Variants in ANXA8 observed in about 807,000 individuals in gnomAD.
The protein encoded by ANXA8 is annexin A8.
Under a neutral mutation model 26.8 loss-of-function variants are expected in ANXA8, and 9 were observed. The observed-to-expected ratio is 0.34, with a 90% CI of 0.20 to 0.59. The LOEUF is 0.59. ANXA8 is among the 20% of genes least tolerant of loss of function. The pLI is 0.84. For missense variants in ANXA8, 83 were observed against 238.5 expected, an observed-to-expected ratio of 0.35 and a Z score of 4.29; for synonymous variants, 39 against 94.8, an observed-to-expected ratio of 0.41 and a Z score of 3.42.
chr10:47,952,874 A>G, the ANXA8 span, among the ~76,000 whole-genome samples: 1 of 148,580 alleles, frequency 6.7e-6, no homozygotes, highest in African/African-American at 2.5e-5. Flanking sequence ...AAGTAATTTG[A>G]TGGGGAAAAA....
the ANXA8 span, among the ~76,000 whole-genome samples, chr10:47,980,955 CT>C: frequency 2.0e-5 from 3 of 151,410 alleles, no homozygotes; most frequent in African/African-American, 7.3e-5. Context: ...CAAACTTCAA[CT>C]CATTCTATGA....
At chr10:47,685,592 G>T in the ANXA8 span, among the ~76,000 whole-genome samples, 132 of 151,854 alleles carry the variant, frequency 8.7e-4, 3 homozygotes, top group African/African-American at 3.1e-3. Context: ...CTGAAGTTTG[G>T]GAGAGAGATT....
At chr10:47,939,609 T>C in the ANXA8 span, among the ~76,000 whole-genome samples, 1 of 145,514 alleles carries the variant, frequency 6.9e-6, no homozygotes, top group Non-Finnish European at 1.5e-5. Flanking sequence ...CCACGGCATG[T>C]TCCACACATA....
chr10:47,743,329 C>CACACAT, the ANXA8 span, among the ~76,000 whole-genome samples: 3 of 47,788 alleles, frequency 6.3e-5, no homozygotes, highest in Non-Finnish European at 1.2e-4. Context: ...TATATATATA[C>CACACAT]ATATATATAT....
the ANXA8 span, among the ~76,000 whole-genome samples, chr10:47,744,423 T>TGGGGGGGGGGGGGGGGAGGGGGGGCC: frequency 1.6e-4 from 1 of 6,438 alleles, no homozygotes; most frequent in Non-Finnish European, 2.7e-4. Flanking sequence ...GGGGGGGGGT[T>TGGGGGGGGGGGGGGGGAGGGGGGGCC]GGGGGGGAGG....
At chr10:47,607,674 G>T in the ANXA8 span, among the ~76,000 whole-genome samples, 1 of 109,010 alleles carries the variant, frequency 9.2e-6, no homozygotes, top group Non-Finnish European at 1.8e-5. Context: ...GGGGTGAGAA[G>T]GCCTATTGAA....
chr10:47,657,531 GT>G, the ANXA8 span, among the ~76,000 whole-genome samples: 1 of 151,744 alleles, frequency 6.6e-6, no homozygotes, highest in African/African-American at 2.4e-5. Flanking sequence ...CTTGAAACTT[GT>G]TTCTTCCTCT....
chr10:47,606,699 G>T, the ANXA8 span, among the ~76,000 whole-genome samples: 2 of 147,416 alleles, frequency 1.4e-5, no homozygotes, highest in Non-Finnish European at 3.0e-5. Flanking sequence ...ACACACACTG[G>T]GGCCTTTTGG....
chr10:47,556,172 A>G, the ANXA8 span, among the ~76,000 whole-genome samples: 8 of 151,892 alleles, frequency 5.3e-5, 1 homozygote, highest in Admixed American at 2.0e-4. Flanking sequence ...TATCCTCAGG[A>G]AAACTGGAAA....
the ANXA8 span, among the ~76,000 whole-genome samples, chr10:47,733,206 T>C: frequency 1.1e-5 from 1 of 91,256 alleles, no homozygotes; most frequent in Non-Finnish European, 2.5e-5. Flanking sequence ...TCTTTCTTTC[T>C]TTCTTTCTTT....
At chr10:47,504,839 A>T in the ANXA8 span, among the ~76,000 whole-genome samples, 1 of 133,656 alleles carries the variant, frequency 7.5e-6, no homozygotes, top group Admixed American at 7.8e-5. Flanking sequence ...AAGAGGTCAT[A>T]ACTGTTCTTT....
At chr10:47,533,187 A>ACACT in the ANXA8 span, among the ~76,000 whole-genome samples, 1 of 124,660 alleles carries the variant, frequency 8.0e-6, no homozygotes, top group South Asian at 2.5e-4. Context: ...AACACACATC[A>ACACT]CACACACACA....
At chr10:47,496,057 G>C in the ANXA8 span, among the ~76,000 whole-genome samples, 1 of 151,556 alleles carries the variant, frequency 6.6e-6, no homozygotes, top group Non-Finnish European at 1.5e-5. Flanking sequence ...GAGGCTGGCA[G>C]TAGAATCTTC....
At chr10:47,986,958 C>T in the ANXA8 span, 7 of 520,130 alleles carry the variant, frequency 1.3e-5, 1 homozygote, top group Non-Finnish European at 2.6e-5. Flanking sequence ...GGGGACGCGA[C>T]CTCGTCCAAG....
At chr10:47,960,082 A>C in the ANXA8 span, among the ~76,000 whole-genome samples, 13,092 of 89,530 alleles carry the variant, frequency 0.15, 77 homozygotes, top group Middle Eastern at 0.23. Flanking sequence ...CCACACAACA[A>C]CTGCCTGGCT....
the ANXA8 span, among the ~76,000 whole-genome samples, chr10:47,654,308 GA>G: frequency 1.4e-5 from 2 of 143,798 alleles, no homozygotes; most frequent in Non-Finnish European, 3.0e-5. Context: ...ACAGTTTGAG[GA>G]GGATGAAAGG....
the ANXA8 span, among the ~76,000 whole-genome samples, chr10:47,589,737 C>T: frequency 6.9e-6 from 1 of 145,078 alleles, no homozygotes; most frequent in Non-Finnish European, 1.5e-5. Flanking sequence ...CCCTAACAGG[C>T]TCAGTACCCA....
At chr10:47,626,957 TC>T in the ANXA8 span, among the ~76,000 whole-genome samples, 1 of 149,572 alleles carries the variant, frequency 6.7e-6, no homozygotes, top group East Asian at 1.9e-4. Context: ...CGAAATTCCC[TC>T]CATCTCCTCG....
At chr10:47,763,487 G>T in the ANXA8 span, 62 of 590,760 alleles carry the variant, frequency 1.0e-4, 2 homozygotes, top group African/African-American at 1.1e-3. Context: ...TAGAGCGGAG[G>T]AGCGGCGCGG....
Sources: allele counts gnomAD v4.1 joint callset (sites outside exome capture counted in the v4.1 genomes callset), GRCh38; gene constraint gnomAD v4.1.1; transcripts MANE v1.5; gene names NCBI Gene and HGNC (gene_info 2026-07-23, HGNC 2026-07-21).